The following ARHGEF28 variants were observed in gnomAD, a reference collection of about 807,000 sequenced individuals.
ARHGEF28 encodes Rho guanine nucleotide exchange factor 28.
ARHGEF28 carries 152 observed loss-of-function variants against 206.6 expected under a neutral mutation model. The ratio of observed to expected loss-of-function variants is 0.74; its 90% confidence interval spans 0.64 to 0.84. ARHGEF28 has a LOEUF of 0.84. Among genes scored for constraint, ARHGEF28 ranks in the 40% least tolerant of loss-of-function variants. The pLI is 0.00. For missense variants in ARHGEF28, 2,028 were observed against 2,073.2 expected, an observed-to-expected ratio of 0.98 and a Z score of 0.42; for synonymous variants, 763 against 776.4, an observed-to-expected ratio of 0.98 and a Z score of 0.29.
chr5:73,857,129 A>C lies in ARHGEF28; in HGVS notation c.1791-527A>C, dbSNP rs544629419. On this transcript the variant is annotated intron_variant, in intron 14 of 35. Transcript: ENST00000513042. Reference sequence around the variant, plus strand: ...GATTGTACTGAGTGGGAGAGGCTGCACCGAGTGGCAGTCAGTCTGTTTCTC... The same window carrying C: ...GATTGTACTGAGTGGGAGAGGCTGCCCCGAGTGGCAGTCAGTCTGTTTCTC... Among the ~76,000 whole-genome samples, 9 of 152,264 alleles carry C rather than the reference A, an allele frequency of 5.9e-5. No individual in the cohort carries two copies. In the South Asian group the frequency reaches 1.9e-3, roughly 32 times the overall value.
chr5:73,653,926 T>A (rs1357580737), intron 1 of ARHGEF28, among the ~76,000 whole-genome samples: 3 of 152,096 alleles, frequency 2.0e-5, no homozygotes, highest in Non-Finnish European at 4.4e-5. Context: ...CCACCCTGGG[T>A]AGAATGAGTT....
chr5:73,835,723 G>A (rs1001900965), intron 10 of ARHGEF28, among the ~76,000 whole-genome samples: 4 of 152,180 alleles, frequency 2.6e-5, no homozygotes, highest in African/African-American at 9.7e-5. Context: ...AACCTGAGGA[G>A]GGGCTGTGGG....
intron 9 of ARHGEF28, chr5:73,813,515 C>A: frequency 6.6e-7 from 1 of 1,525,930 alleles, no homozygotes. Context: ...GGAGGCTTGC[C>A]TCCTGGCTGG....
intron 2 of ARHGEF28, among the ~76,000 whole-genome samples, chr5:73,696,834 C>T (rs568298297): frequency 1.4e-4 from 21 of 152,304 alleles, no homozygotes; most frequent in East Asian, 1.2e-3. Flanking sequence ...TGAGGCTCCT[C>T]CTGGAGCACT....
At chr5:73,726,782 G>A (rs1280731311) in intron 2 of ARHGEF28, among the ~76,000 whole-genome samples, 1 of 152,162 alleles carries the variant, frequency 6.6e-6, no homozygotes, top group Non-Finnish European at 1.5e-5. Flanking sequence ...GTTGTCACCA[G>A]CCTTTTAAAA....
chr5:73,734,224 A>G (rs1436335665), intron 2 of ARHGEF28, among the ~76,000 whole-genome samples: 2 of 152,186 alleles, frequency 1.3e-5, no homozygotes, highest in Admixed American at 1.3e-4. Flanking sequence ...GTGTTGGCAG[A>G]GAGAAAAGAG....
intron 2 of ARHGEF28, among the ~76,000 whole-genome samples, chr5:73,686,507 T>C (rs996909616): frequency 1.3e-5 from 2 of 152,030 alleles, no homozygotes; most frequent in African/African-American, 4.8e-5. Context: ...TTTTTCTTTT[T>C]TCTTTTTCTT....
intron 4 of ARHGEF28, among the ~76,000 whole-genome samples, chr5:73,764,141 G>A (rs773327947): frequency 3.3e-5 from 5 of 152,156 alleles, no homozygotes; most frequent in East Asian, 1.9e-4. Context: ...TATCATGTCC[G>A]TTTTACAGAT....
intron 7 of ARHGEF28, among the ~76,000 whole-genome samples, chr5:73,787,538 C>G (rs1754235072): frequency 6.6e-6 from 1 of 152,136 alleles, no homozygotes; most frequent in Non-Finnish European, 1.5e-5. Flanking sequence ...CCATCCCCTA[C>G]CCCCTACCCT....
At chr5:73,767,619 C>T (rs930225533) in intron 4 of ARHGEF28, among the ~76,000 whole-genome samples, 1 of 152,096 alleles carries the variant, frequency 6.6e-6, no homozygotes, top group African/African-American at 2.4e-5. Flanking sequence ...GCAGCAAAGC[C>T]TTCAAGAAGT....
At chr5:73,785,964 C>A (rs966606633) in intron 7 of ARHGEF28, among the ~76,000 whole-genome samples, 11 of 149,406 alleles carry the variant, frequency 7.4e-5, no homozygotes, top group Non-Finnish European at 1.3e-4. Context: ...CAGGTGGACA[C>A]GTGTCCTTAG....
intron 22 of ARHGEF28, among the ~76,000 whole-genome samples, chr5:73,874,012 T>C (rs1019024440): frequency 3.9e-5 from 6 of 152,198 alleles, no homozygotes; most frequent in Admixed American, 3.3e-4. Context: ...TAATCCAGTT[T>C]CTCTACATCC....
rs1177496962 is a variant in ARHGEF28, at chr5:73,776,523, G to A, written c.667G>A (p.Gly223Ser). Residue 223 changes from glycine to serine, a missense_variant, in exon 6 of 36, where the codon GGC (glycine) becomes AGC (serine). Around this residue, in one of 3 missense-constraint regions of ARHGEF28, gnomAD observed 1,002 missense variants for 1,015.3 expected, o/e 0.99. Coordinates refer to ENST00000513042, the MANE Select transcript of ARHGEF28 (RefSeq NM_001177693.2). Reference sequence around the variant, plus strand: ...TGATTTGTGTTGTTTCAGTTTTCAGGGCAGATGGTCCCCAAGCTTCTCCCG... The same window carrying A: ...TGATTTGTGTTGTTTCAGTTTTCAGAGCAGATGGTCCCCAAGCTTCTCCCG... Reference protein sequence around the residue: ...KLVEDVTNFQGRWSPSFSRVQ... With the variant: ...KLVEDVTNFQSRWSPSFSRVQ... The A allele has an allele frequency of 6.2e-7, 1 of 1,610,264 alleles. No individual in the cohort carries two copies. Among genetic ancestry groups the A allele is most frequent in the Non-Finnish European group, 8.5e-7 (1 of 1,177,592 alleles).
chr5:73,891,909 G>GT (rs1189412408), intron 26 of ARHGEF28, 143 bp from the exon 27 acceptor site: 1 of 690,310 alleles, frequency 1.4e-6, no homozygotes, highest in Admixed American at 3.0e-5. Context: ...ATTGGAGATT[G>GT]TATCAACTTC....
chr5:73,779,587 G>A (rs1561398200), intron 6 of ARHGEF28, among the ~76,000 whole-genome samples: 1 of 152,158 alleles, frequency 6.6e-6, no homozygotes, highest in Non-Finnish European at 1.5e-5. Context: ...TTCAGCCCAA[G>A]TAGACACATG....
At chr5:73,742,613 A>G (rs1444952189) in intron 2 of ARHGEF28, among the ~76,000 whole-genome samples, 1 of 151,238 alleles carries the variant, frequency 6.6e-6, no homozygotes, top group East Asian at 1.9e-4. Flanking sequence ...TCATGAGGTC[A>G]GGAGATCGAG....
rs1759141784 is a variant in ARHGEF28, at chr5:73,857,761, C to T, written c.1896C>T (p.Ser632=). 6 of 1,612,412 alleles carry T rather than the reference C, an allele frequency of 3.7e-6. No homozygotes were observed. Among genetic ancestry groups the T allele is most frequent in the Non-Finnish European group, 5.1e-6 (6 of 1,179,240 alleles). The part of the protein sequence containing the change: ...TFSFLMNRMT[S]PRNKSKTKSK... ...GTTTCCTCATGAATAGGATGACTAG[C>T]CCTCGGAATAAATCAAAGGTAATTA... The change falls in exon 15 of 36, where the codon AGC becomes AGT. Residue 632 remains serine (S), a synonymous_variant. Coordinates refer to ENST00000513042, the MANE Select transcript of ARHGEF28 (RefSeq NM_001177693.2).
chr5:73,823,895 A>G (rs1756742077), intron 9 of ARHGEF28, among the ~76,000 whole-genome samples: 1 of 152,180 alleles, frequency 6.6e-6, no homozygotes. Context: ...TCATCTGTCA[A>G]ATGGAATTGT....
intron 1 of ARHGEF28, among the ~76,000 whole-genome samples, chr5:73,659,003 A>G (rs1204153443): frequency 6.7e-6 from 1 of 149,594 alleles, no homozygotes; most frequent in Non-Finnish European, 1.5e-5. Flanking sequence ...ACACACACAC[A>G]CACCACACTC....
Sources: allele counts gnomAD v4.1 joint callset (sites outside exome capture counted in the v4.1 genomes callset), GRCh38; gene constraint gnomAD v4.1.1; regional missense constraint gnomAD v4.1.1; transcripts MANE v1.5; gene names NCBI Gene and HGNC (gene_info 2026-07-23, HGNC 2026-07-21).